The following RAPGEF5 variants were observed in gnomAD, a reference collection of about 807,000 sequenced individuals.
RAPGEF5 encodes the protein Rap guanine nucleotide exchange factor 5.
Under a neutral mutation model 125.2 loss-of-function variants are expected in RAPGEF5, and 65 were observed. The observed-to-expected ratio is 0.52, with a 90% CI of 0.43 to 0.64. RAPGEF5 has a LOEUF of 0.64. RAPGEF5 is among the 30% of genes least tolerant of loss of function. The probability of loss-of-function intolerance (pLI) is 0.00; values close to 1 mark genes in which losing one functional copy is unlikely to be tolerated. For missense variants in RAPGEF5, 958 were observed against 1,048.1 expected (o/e 0.91, Z 1.19); for synonymous variants, 391 against 385.9 (o/e 1.01, Z -0.16).
At chr7:22,221,361 T>C (rs1366260473) in intron 8 of RAPGEF5, among the ~76,000 whole-genome samples, 1 of 152,236 alleles carries the variant, frequency 6.6e-6, no homozygotes, top group African/African-American at 2.4e-5. Context: ...AGGACTAGTT[T>C]TGCCTTTTAA....
intron 7 of RAPGEF5, among the ~76,000 whole-genome samples, chr7:22,251,243 G>T (rs1216213063): frequency 6.6e-6 from 1 of 152,104 alleles, no homozygotes; most frequent in African/African-American, 2.4e-5. Context: ...TCACAGAATT[G>T]TAAATTCTAA....
chr7:22,155,823 GTTT>G (rs1783787379), intron 16 of RAPGEF5, among the ~76,000 whole-genome samples: 1 of 152,240 alleles, frequency 6.6e-6, no homozygotes, highest in African/African-American at 2.4e-5. Flanking sequence ...TGCAGGGTAA[GTTT>G]ACATCTTGCT....
intron 8 of RAPGEF5, among the ~76,000 whole-genome samples, chr7:22,230,232 C>A (rs1000747232): frequency 1.3e-5 from 2 of 152,048 alleles, no homozygotes; most frequent in Non-Finnish European, 2.9e-5. Flanking sequence ...TTAATATTAC[C>A]ACAGCAAAAC....
intron 23 of RAPGEF5, among the ~76,000 whole-genome samples, chr7:22,133,159 TAG>T (rs1272616730): frequency 1.3e-5 from 2 of 152,146 alleles, no homozygotes; most frequent in Non-Finnish European, 2.9e-5. Flanking sequence ...TAGCTCTCAG[TAG>T]AGTGTGTGGC....
chr7:22,183,199 G>C (rs769221327), intron 11 of RAPGEF5, among the ~76,000 whole-genome samples: 12 of 150,750 alleles, frequency 8.0e-5, no homozygotes, highest in Non-Finnish European at 1.3e-4. Flanking sequence ...AACCCAGGAG[G>C]GGGAGGTTGC....
chr7:22,220,057 A>G (rs1281560781), intron 8 of RAPGEF5, 66 bp from the exon 9 acceptor site: 2 of 1,551,926 alleles, frequency 1.3e-6, no homozygotes, highest in South Asian at 1.1e-5. Flanking sequence ...ACACCACCGC[A>G]AAGTTCACCT....
intron 1 of RAPGEF5, among the ~76,000 whole-genome samples, chr7:22,322,811 G>A (rs1251453119): frequency 1.3e-5 from 2 of 152,190 alleles, no homozygotes; most frequent in Non-Finnish European, 2.9e-5. Context: ...TCTACGAGGA[G>A]ACCTGGGCAG....
chr7:22,139,964 T>C lies in RAPGEF5; in HGVS notation c.2277+61A>G. ...GTTTAGTAGTACTTATCTCATTTAA[T>C]CCATGTAAATTACTTTATTTCCATT... On this transcript the variant is annotated intron_variant, in intron 21 of 25. Coordinates refer to ENST00000665637, the MANE Select transcript of RAPGEF5 (RefSeq NM_012294.5). 5 of 1,378,620 alleles carry C rather than the reference T, an allele frequency of 3.6e-6. No homozygotes were observed. In the South Asian group the frequency reaches 5.0e-5, roughly 14 times the overall value. The allele number at this position is 1,378,620 out of a possible 1,614,324, so 85.4% of individuals were successfully genotyped here.
chr7:22,327,163 A>G (rs547426417), intron 1 of RAPGEF5, among the ~76,000 whole-genome samples: 3 of 152,350 alleles, frequency 2.0e-5, no homozygotes, highest in East Asian at 3.8e-4. Context: ...TAGTAAATCC[A>G]TAAGTGTAAA....
intron 11 of RAPGEF5, among the ~76,000 whole-genome samples, chr7:22,184,367 G>T (rs1265883342): frequency 1.3e-5 from 2 of 152,106 alleles, no homozygotes; most frequent in East Asian, 3.9e-4. Flanking sequence ...ACATTTTTCT[G>T]AATACTTTCT....
chr7:22,156,723 G>A, intron 16 of RAPGEF5, 87 bp downstream of exon 16: 2 of 1,586,866 alleles, frequency 1.3e-6, no homozygotes, highest in Non-Finnish European at 8.6e-7. Context: ...TGGAAATGAA[G>A]GTTAGTCAGG....
intron 7 of RAPGEF5, among the ~76,000 whole-genome samples, chr7:22,252,835 G>A (rs147073160): frequency 5.3e-5 from 8 of 152,048 alleles, no homozygotes; most frequent in South Asian, 2.1e-4. Flanking sequence ...TTATTCCTGG[G>A]CTTTACCAGT....
At chr7:22,313,809 T>C (rs754662038) in intron 3 of RAPGEF5, among the ~76,000 whole-genome samples, 1 of 152,238 alleles carries the variant, frequency 6.6e-6, no homozygotes, top group Non-Finnish European at 1.5e-5. Context: ...AGTCAGATGT[T>C]TCTAAAGGTG....
intron 3 of RAPGEF5, among the ~76,000 whole-genome samples, chr7:22,314,239 G>A (rs974868189): frequency 2.0e-5 from 3 of 152,186 alleles, no homozygotes; most frequent in Non-Finnish European, 4.4e-5. Flanking sequence ...GTTACTGGCT[G>A]AAGAGAAGCA....
intron 23 of RAPGEF5, among the ~76,000 whole-genome samples, chr7:22,135,090 G>A (rs1359283559): frequency 1.3e-5 from 2 of 152,194 alleles, no homozygotes; most frequent in African/African-American, 2.4e-5. Flanking sequence ...GGTAGACGAG[G>A]GGCGTGGTGG....
chr7:22,319,587 G>A (rs28656461), intron 1 of RAPGEF5, among the ~76,000 whole-genome samples: 33,343 of 151,968 alleles, frequency 0.22, 3,723 homozygotes, highest in Admixed American at 0.24. Context: ...AATCAGCCCC[G>A]CCTAGGCCTC....
At chr7:22,205,919 T>C (rs1785386351) in intron 9 of RAPGEF5, among the ~76,000 whole-genome samples, 1 of 152,264 alleles carries the variant, frequency 6.6e-6, no homozygotes, top group Admixed American at 6.5e-5. Flanking sequence ...TTAGAAGTTC[T>C]ATCCACTGGA....
At chr7:22,291,376 T>C in intron 5 of RAPGEF5, 135 bp from the exon 6 acceptor site, 1 of 1,363,402 alleles carries the variant, frequency 7.3e-7, no homozygotes. Context: ...TAACAAAGGT[T>C]GTGACAGTAA....
chr7:22,254,149 C>G (rs930670527), intron 7 of RAPGEF5, among the ~76,000 whole-genome samples: 1 of 152,100 alleles, frequency 6.6e-6, no homozygotes. Context: ...ACAAATGCCT[C>G]GCATGGTGAG....
Sources: gnomAD v4.1 joint callset for allele counts (sites outside exome capture counted in the v4.1 genomes callset) on GRCh38, gnomAD v4.1.1 for gene constraint, MANE v1.5 for transcripts, NCBI Gene and HGNC (gene_info 2026-07-23, HGNC 2026-07-21) for gene names.